Variants in BYSL observed in about 807,000 individuals in gnomAD.
BYSL encodes the protein bystin like, also known as bystin.
BYSL carries 21 observed loss-of-function variants against 45.4 expected under a neutral mutation model. That is an observed-to-expected ratio of 0.46 (90% CI 0.33 to 0.67). The LOEUF is 0.67. BYSL is among the 30% of genes least tolerant of loss of function. The probability of loss-of-function intolerance (pLI) is 0.02; values close to 1 mark genes in which losing one functional copy is unlikely to be tolerated. For synonymous variants in BYSL, 215 were observed against 231.3 expected (o/e 0.93, Z 0.64); for missense variants, 522 against 578.5 (o/e 0.90, Z 1.00).
Position 41,932,575 on chromosome 6 carries a change from A to G in BYSL, c.1183A>G (p.Thr395Ala). The G allele has an allele frequency of 1.1e-5, 17 of 1,614,224 alleles. No homozygotes were observed. Among genetic ancestry groups the G allele is most frequent in the Non-Finnish European group, 1.4e-5 (17 of 1,180,044 alleles). Residue 395 changes from threonine to alanine, a missense_variant, in exon 7 of 7, where the codon ACA becomes GCA. Transcript: ENST00000230340. The surrounding 1 kb of genome is among the most constrained non-coding windows in gnomAD (Gnocchi z 4.7). Reference protein sequence around the residue: ...LVQRYKADLATDQKEALLELL... With the variant: ...LVQRYKADLAADQKEALLELL... ...CCAGCGCTACAAGGCCGACTTGGCC[A>G]CAGACCAGAAAGAGGCCCTCTTAGA...
At chr6:41,923,141 T>C (rs561492476) in intron 1 of BYSL, among the ~76,000 whole-genome samples, 36 of 56,172 alleles carry the variant, frequency 6.4e-4, no homozygotes, top group African/African-American at 6.4e-3. Context: ...TTTTCTTTTT[T>C]TCTTTTTTTT....
At chr6:41,930,045 G>C in intron 2 of BYSL, 87 bp from the exon 3 acceptor site, 1 of 1,533,004 alleles carries the variant, frequency 6.5e-7, no homozygotes, top group Admixed American at 1.7e-5. Flanking sequence ...GCTCACAGGG[G>C]ACTGTGGGGA....
At chr6:41,919,373 T>C (rs898171480), upstream of BYSL, among the ~76,000 whole-genome samples, 8 of 152,114 alleles carry the variant, frequency 5.3e-5, no homozygotes, top group African/African-American at 1.9e-4. Flanking sequence ...CTTAGCTATA[T>C]AGAAATCAAG....
Position 41,921,743 on chromosome 6 carries a change from C to A in BYSL, c.181C>A (p.Gln61Lys). Reference sequence around the variant, plus strand: ...CCGGCTGAGCCGACGGATTTTGCAGCAAGCACGGCAGCAACAGGAGGAACT... The same window carrying A: ...CCGGCTGAGCCGACGGATTTTGCAGAAAGCACGGCAGCAACAGGAGGAACT... ...GPRLSRRILQQARQQQEELEA... is the reference protein window; with the variant it reads ...GPRLSRRILQKARQQQEELEA... The change falls in exon 1 of 7, where the codon CAA becomes AAA. Residue 61 changes from glutamine to lysine, a missense_variant. Coordinates refer to ENST00000230340, the MANE Select transcript of BYSL (RefSeq NM_004053.4). The A allele has an allele frequency of 6.2e-7, 1 of 1,613,544 alleles. No individual in the cohort carries two copies. The highest frequency in any genetic ancestry group is 8.5e-7 in the Non-Finnish European group (1 of 1,179,896).
Position 41,921,816 on chromosome 6 carries a change from G to C in BYSL, c.254G>C (p.Arg85Pro). The part of the protein sequence containing the change: ...TGDKPAAPRE[R>P]TTRLGPRMPQ... ...GACAAGCCCGCGGCGCCGCGGGAAC[G>C]CACCACGCGGCTGGGTGAGTGTCTG... Residue 85 changes from arginine (R) to proline (P), a missense_variant, in exon 1 of 7, where the codon CGC becomes CCC. By Grantham distance (103) the Arg-to-Pro change is moderately radical (BLOSUM62 -2). Transcript: ENST00000230340. The C allele has an allele frequency of 6.2e-7, 1 of 1,611,286 alleles. No homozygotes were observed. The highest frequency in any genetic ancestry group is 8.5e-7 in the Non-Finnish European group (1 of 1,179,096).
intron 2 of BYSL, among the ~76,000 whole-genome samples, chr6:41,928,197 A>G (rs1305137393): frequency 3.9e-5 from 6 of 152,204 alleles, no homozygotes; most frequent in Non-Finnish European, 8.8e-5. Context: ...CAAACTCCTG[A>G]GCCCATAAAT....
Position 41,931,769 on chromosome 6 carries a change from CGGGAAGCCATCATTGT to C in BYSL, c.911_926del (p.Glu304ValfsTer19). 6.2e-7 allele frequency: 1 copy of C among 1,614,098 alleles called. No homozygotes were observed. The highest frequency in any genetic ancestry group is 8.5e-7 in the Non-Finnish European group (1 of 1,180,014). On this transcript the variant is annotated frameshift_variant, in exon 6 of 7. Coordinates refer to ENST00000230340, the MANE Select transcript of BYSL (RefSeq NM_004053.4). LOFTEE classifies it high-confidence loss of function. ...GTGCGAGTCTGGCACTTGTACCCTC[CGGGAAGCCATCATTGT>C]GGGTAGCATCATCACCAAGTGCTCC...
At chr6:41,925,699 A>T (rs937034024) in intron 1 of BYSL, among the ~76,000 whole-genome samples, 12 of 140,050 alleles carry the variant, frequency 8.6e-5, no homozygotes, top group African/African-American at 3.1e-4. Flanking sequence ...TATTTTTTTG[A>T]GACAGAGTTT....
At chr6:41,909,224 C>G in the BYSL span, 1 of 1,583,448 alleles carries the variant, frequency 6.3e-7, no homozygotes, top group Non-Finnish European at 8.6e-7. Flanking sequence ...CTTTGCTAAG[C>G]AGCCCCCTCA....
intron 1 of BYSL, among the ~76,000 whole-genome samples, chr6:41,923,485 T>C (rs1252505508): frequency 6.6e-6 from 1 of 152,026 alleles, no homozygotes; most frequent in Non-Finnish European, 1.5e-5. Flanking sequence ...TCAGTAGAGA[T>C]GGGGTTTCAC....
rs756928951 is a variant in BYSL, at chr6:41,931,579, G to T, written c.865+23G>T. Reference sequence around the variant, plus strand: ...AAGGTGGGATCCCAGAGGCACGGAAGAAAGGGAAGGGCTGGAGCTTCTATG... The same window carrying T: ...AAGGTGGGATCCCAGAGGCACGGAATAAAGGGAAGGGCTGGAGCTTCTATG... On this transcript the variant is annotated intron_variant, in intron 5 of 6. Coordinates refer to ENST00000230340, the MANE Select transcript of BYSL (RefSeq NM_004053.4). The T allele has an allele frequency of 3.7e-6, 6 of 1,614,124 alleles. No homozygotes were observed. In the East Asian group the frequency reaches 1.3e-4, roughly 36 times the overall value.
chr6:41,921,464 C>T, upstream of BYSL: 1 of 1,447,126 alleles, frequency 6.9e-7, no homozygotes, highest in Non-Finnish European at 9.2e-7. Flanking sequence ...CTGTGATCGC[C>T]GGGCGGCCTC....
At chr6:41,911,310 C>A in the BYSL span, among the ~76,000 whole-genome samples, 1 of 151,738 alleles carries the variant, frequency 6.6e-6, no homozygotes, top group African/African-American at 2.4e-5. Context: ...GCCACCACAC[C>A]TGGCTAATTT....
chr6:41,914,828 G>C, the BYSL span, among the ~76,000 whole-genome samples: 2 of 152,134 alleles, frequency 1.3e-5, no homozygotes, highest in African/African-American at 4.8e-5. Flanking sequence ...TGCTAATGAG[G>C]AGGTCAAGGC....
At chr6:41,910,166 G>C in the BYSL span, among the ~76,000 whole-genome samples, 1 of 152,150 alleles carries the variant, frequency 6.6e-6, no homozygotes, top group Non-Finnish European at 1.5e-5. Flanking sequence ...TAGCCAACTT[G>C]GGAAGCAAGC....
Position 41,932,762 on chromosome 6 carries a change from T to TTGGTGA in BYSL, c.*57_*62dup. 1.3e-6 allele frequency: 2 copies of TTGGTGA among 1,530,840 alleles called. No homozygotes were observed. The highest frequency in any genetic ancestry group is 2.5e-5 in the South Asian group (2 of 80,270). The allele number at this position is 1,530,840 out of a possible 1,614,324, so 94.8% of individuals were successfully genotyped here. ...GTTTGGAAGGACACCAAGACCCCCG[T>TTGGTGA]TGGTGACTGAAGATGACACTGAGCT... On this transcript the variant is annotated 3_prime_UTR_variant, in exon 7 of 7. Coordinates refer to ENST00000230340, the MANE Select transcript of BYSL (RefSeq NM_004053.4). This position sits in a 1 kb window ranked among gnomAD's most constrained non-coding sequence, Gnocchi z 4.7.
rs568752985 is a variant in BYSL at position 41,931,933 on chromosome 6, C to T, written c.968+103C>T. 94 of 1,181,002 alleles carry T rather than the reference C, an allele frequency of 8.0e-5. 1 individual carries two copies. The Middle Eastern group carries it at 7.5e-3, about 94-fold the overall frequency. The allele number at this position is 1,181,002 out of a possible 1,614,324, so 73.2% of individuals were successfully genotyped here. A position where few individuals can be genotyped will look rare whatever the true frequency, so the allele number is the denominator to read the frequency against. ...GAGTGGAGAAGGAGCTAAGGAAAGC[C>T]TTGGGTTTGTGCTTGTTTAAGCCAA... On this transcript the variant is annotated intron_variant, in intron 6 of 6. Coordinates refer to ENST00000230340, the MANE Select transcript of BYSL (RefSeq NM_004053.4).
intron 1 of BYSL, among the ~76,000 whole-genome samples, chr6:41,926,261 A>G (rs1257832859): frequency 6.6e-6 from 1 of 152,132 alleles, no homozygotes; most frequent in Non-Finnish European, 1.5e-5. Context: ...AAACCCGAAT[A>G]TGTGTAGAAT....
At chr6:41,910,540 G>A in the BYSL span, among the ~76,000 whole-genome samples, 1 of 151,196 alleles carries the variant, frequency 6.6e-6, no homozygotes, top group Non-Finnish European at 1.5e-5. Flanking sequence ...GCTGAGGCAC[G>A]AGAATCACCT....
Sources: gnomAD v4.1 joint callset for allele counts (sites outside exome capture counted in the v4.1 genomes callset) on GRCh38, gnomAD v4.1.1 for gene constraint, Gnocchi (gnomAD v3.1) non-coding constraint, MANE v1.5 for transcripts, NCBI Gene and HGNC (gene_info 2026-07-23, HGNC 2026-07-21) for gene names.